NBAS: variants seen among roughly 807,000 people sequenced by gnomAD.
The protein encoded by NBAS is NAG/BC035112 fusion.
In NBAS, 219 loss-of-function variants were observed where a neutral mutation model predicts 302.5. That is an observed-to-expected ratio of 0.72 (90% CI 0.65 to 0.81). The LOEUF (loss-of-function observed/expected upper bound fraction) is 0.81. NBAS is among the 30% of genes least tolerant of loss of function. NBAS has a pLI of 0.00. For synonymous variants in NBAS, 1,118 were observed against 1,021.6 expected (o/e 1.09, Z -1.80); for missense variants, 2,932 against 2,841.6 (o/e 1.03, Z -0.72).
At chr2:14,844,076 G>A in the NBAS span, among the ~76,000 whole-genome samples, 4 of 152,090 alleles carry the variant, frequency 2.6e-5, no homozygotes, top group African/African-American at 4.8e-5. Flanking sequence ...GGCAACTAAG[G>A]GAGTGCCTGT....
At chr2:15,388,827 A>G (rs1390067956) in intron 28 of NBAS, among the ~76,000 whole-genome samples, 1 of 152,230 alleles carries the variant, frequency 6.6e-6, no homozygotes, top group Non-Finnish European at 1.5e-5. Context: ...CTAATGTTAT[A>G]CCAACAATAC....
chr2:15,277,564 T>C (rs943921447), intron 42 of NBAS, among the ~76,000 whole-genome samples: 52 of 152,218 alleles, frequency 3.4e-4, no homozygotes, highest in African/African-American at 1.2e-3. Flanking sequence ...AGGCTTAAGA[T>C]TTACATGCAA....
At chr2:15,304,812 T>C (rs1670956978) in intron 40 of NBAS, among the ~76,000 whole-genome samples, 1 of 152,158 alleles carries the variant, frequency 6.6e-6, no homozygotes, top group South Asian at 2.1e-4. Context: ...AGCAAATCAT[T>C]CAAAAGGTGA....
chr2:15,371,263 T>C (rs777073306), intron 31 of NBAS, among the ~76,000 whole-genome samples: 4 of 152,226 alleles, frequency 2.6e-5, no homozygotes, highest in Admixed American at 1.3e-4. Context: ...TCCCCAGTCA[T>C]GTGGAACTGT....
the NBAS span, among the ~76,000 whole-genome samples, chr2:15,078,387 A>G: frequency 6.6e-6 from 1 of 152,236 alleles, no homozygotes; most frequent in East Asian, 1.9e-4. Flanking sequence ...TTTTACTGCT[A>G]GAAATAAATA....
At chr2:15,100,027 A>G in the NBAS span, among the ~76,000 whole-genome samples, 12,075 of 152,170 alleles carry the variant, frequency 0.079, 759 homozygotes, top group African/African-American at 0.18. Context: ...AGCATATTCA[A>G]TTTTATGGAT....
intron 50 of NBAS, among the ~76,000 whole-genome samples, chr2:15,180,942 TCCTCCGCAAAAGCAC>T (rs1438464634): frequency 6.6e-6 from 1 of 152,090 alleles, no homozygotes; most frequent in Non-Finnish European, 1.5e-5. Flanking sequence ...AAACTATACT[TCCTCCGCAAAAGCAC>T]CCTTAAATGT....
At chr2:15,335,197 A>T (rs1441449372) in intron 35 of NBAS, among the ~76,000 whole-genome samples, 2 of 151,314 alleles carry the variant, frequency 1.3e-5, no homozygotes, top group African/African-American at 4.9e-5. Context: ...AAAAAAAAAA[A>T]ATTGTTCAAG....
chr2:15,276,966 C>G lies in NBAS; in HGVS notation c.5274G>C (p.Arg1758Ser), dbSNP rs748785613. The change falls in exon 43 of 52, where the codon AGG becomes AGC. Residue 1758 changes from arginine to serine, a missense_variant. Physicochemically the swap from Arg to Ser is moderately radical, Grantham distance 110 (BLOSUM62 -1). Coordinates refer to ENST00000281513, the MANE Select transcript of NBAS (RefSeq NM_015909.4). ...YPTIGGFDHE[R>S]LQYYFTLLEN... ...CCAGAAGAGTGAAATAATACTGCAG[C>G]CTTTCGTGATCAAAGCCACCAATAG... is the stretch of plus-strand genomic sequence containing the variant. The G allele has an allele frequency of 2.5e-6, 4 of 1,613,996 alleles. No homozygotes were observed. Among genetic ancestry groups the G allele is most frequent in the African/African-American group, 1.3e-5 (1 of 75,026 alleles).
Position 15,555,277 on chromosome 2 carries a change from AT to A in NBAS, c.210-1140del, listed in dbSNP as rs1293914549. The stretch of plus-strand genomic sequence containing the variant: ...ACCCTCTCTTAAAAAAAAAAAAAAA[AT>A]TAGTAATATACATGTAGTACATTTA... On this transcript the variant is annotated intron_variant, in intron 3 of 51. Coordinates refer to ENST00000281513, the MANE Select transcript of NBAS (RefSeq NM_015909.4). 9.7e-3 allele frequency among the ~76,000 whole-genome samples: 1,467 copies of A among 151,816 alleles called. 17 individuals are homozygous for A. Among genetic ancestry groups the A allele is most frequent in the African/African-American group, 0.03 (1,261 of 41,376 alleles).
chr2:15,185,636 G>C (rs1247642724), intron 50 of NBAS, among the ~76,000 whole-genome samples: 1 of 152,134 alleles, frequency 6.6e-6, no homozygotes, highest in Admixed American at 6.5e-5. Context: ...GCTGATACAA[G>C]CAGACCTTGG....
At chr2:15,038,936 C>A in the NBAS span, among the ~76,000 whole-genome samples, 1 of 152,110 alleles carries the variant, frequency 6.6e-6, no homozygotes, top group Non-Finnish European at 1.5e-5. Flanking sequence ...GAATTTAGAC[C>A]CTGAGGCATC....
chr2:15,426,216 A>C (rs1677468158), intron 22 of NBAS, among the ~76,000 whole-genome samples: 1 of 152,174 alleles, frequency 6.6e-6, no homozygotes, highest in Non-Finnish European at 1.5e-5. Context: ...ATTGTTTTCT[A>C]GTTTCTAGTG....
At chr2:14,975,596 C>T in the NBAS span, among the ~76,000 whole-genome samples, 34 of 152,242 alleles carry the variant, frequency 2.2e-4, 1 homozygote, top group South Asian at 7.0e-3. Context: ...CTCATTTTTT[C>T]AGATGACTAA....
downstream of NBAS, among the ~76,000 whole-genome samples, chr2:15,164,890 G>A (rs542754944): frequency 3.3e-5 from 5 of 152,174 alleles, no homozygotes; most frequent in Admixed American, 6.5e-5. Flanking sequence ...TCTAGTAAAC[G>A]AGGATGTGAG....
the NBAS span, among the ~76,000 whole-genome samples, chr2:15,029,509 T>C: frequency 6.6e-6 from 1 of 151,832 alleles, no homozygotes; most frequent in African/African-American, 2.4e-5. Flanking sequence ...CAAACTAGAG[T>C]AATTTCAGCA....
intron 35 of NBAS, among the ~76,000 whole-genome samples, chr2:15,338,674 T>TACACACACACACACACACACACAC (rs70961409): frequency 5.2e-5 from 7 of 134,818 alleles, no homozygotes; most frequent in Admixed American, 7.5e-5. Context: ...AACACACACA[T>TACACACACACACACACACACACAC]ACACACACAC....
At chr2:15,551,573 G>T in intron 5 of NBAS, 37 bp from the exon 6 acceptor site, 5 of 1,530,010 alleles carry the variant, frequency 3.3e-6, no homozygotes, top group Non-Finnish European at 4.5e-6. Context: ...AAGTTTTATC[G>T]TAACACTGTA....
chr2:15,368,099 A>C (rs1333420228), intron 31 of NBAS, among the ~76,000 whole-genome samples: 1 of 150,204 alleles, frequency 6.7e-6, no homozygotes, highest in African/African-American at 2.5e-5. Flanking sequence ...ATACATACAC[A>C]TTTATTTTTT....
Sources: gnomAD v4.1 joint callset for allele counts (sites outside exome capture counted in the v4.1 genomes callset) on GRCh38, gnomAD v4.1.1 for gene constraint, MANE v1.5 for transcripts, NCBI Gene and HGNC (gene_info 2026-07-23, HGNC 2026-07-21) for gene names.